The following SH3GL3 variants were observed in gnomAD, a reference collection of about 807,000 sequenced individuals.
SH3GL3 encodes endophilin-A3.
Under a neutral mutation model 47.7 loss-of-function variants are expected in SH3GL3, and 33 were observed. The observed-to-expected ratio is 0.69, with a 90% confidence interval of 0.52 to 0.92. SH3GL3 has a LOEUF of 0.92. SH3GL3 is among the 40% of genes least tolerant of loss of function. SH3GL3 has a pLI of 0.00. For synonymous variants in SH3GL3, 155 were observed against 148.8 expected (o/e 1.04, Z -0.30); for missense variants, 363 against 417.8 (o/e 0.87, Z 1.14).
At chr15:83,588,580 G>A (rs530369432) in intron 7 of SH3GL3, 82 bp from the exon 8 acceptor site, 4 of 867,292 alleles carry the variant, frequency 4.6e-6, no homozygotes, top group Admixed American at 3.8e-5. Context: ...CTAAGTTCCT[G>A]TGCTCAACAA....
chr15:83,490,677 G>A, intron 1 of SH3GL3: 1 of 1,216,650 alleles, frequency 8.2e-7, no homozygotes, highest in Non-Finnish European at 1.1e-6. Flanking sequence ...GATAGCACCT[G>A]CACATCAGGG....
intron 5 of SH3GL3, 72 bp downstream of exon 5, chr15:83,572,770 T>G (rs890801735): frequency 8.8e-7 from 1 of 1,138,334 alleles, no homozygotes; most frequent in South Asian, 1.5e-5. Context: ...CACTAGAACG[T>G]TTCAGCAGAC....
downstream of SH3GL3, among the ~76,000 whole-genome samples, chr15:83,620,572 C>T (rs1394351916): frequency 6.6e-6 from 1 of 152,182 alleles, no homozygotes; most frequent in Admixed American, 6.5e-5. Context: ...ATCTTTTTCT[C>T]TGAACGGTAG....
chr15:83,533,415 A>C (rs369409766), intron 1 of SH3GL3, among the ~76,000 whole-genome samples: 1 of 152,196 alleles, frequency 6.6e-6, no homozygotes, highest in Non-Finnish European at 1.5e-5. Flanking sequence ...GAGCTTCTGA[A>C]GACAAATCGG....
chr15:83,614,352 G>T (rs2151849628), intron 8 of SH3GL3, among the ~76,000 whole-genome samples: 1 of 152,318 alleles, frequency 6.6e-6, no homozygotes, highest in Admixed American at 6.5e-5. Flanking sequence ...GGAAGGAGCT[G>T]TCTAGAGGCT....
At chr15:83,632,529 A>G in the SH3GL3 span, among the ~76,000 whole-genome samples, 1 of 152,264 alleles carries the variant, frequency 6.6e-6, no homozygotes, top group Non-Finnish European at 1.5e-5. Context: ...AAAGAGGTTT[A>G]GTTGACTCAC....
rs1200634866 is a variant in SH3GL3 at position 83,464,549 on chromosome 15, G to A, written c.45+16971G>A. ...ATTTAAAAAATCTCAAATTTAAGAT[G>A]TTCAAATGTGAACTCTTAATTATCT... On this transcript the variant is annotated intron_variant, in intron 1 of 8. Transcript: ENST00000427482. 2.6e-5 allele frequency among the ~76,000 whole-genome samples: 4 copies of A among 152,218 alleles called. No homozygotes were observed. The East Asian group carries it at 7.7e-4, about 29-fold the overall frequency.
chr15:83,529,821 A>G (rs1446333603), intron 1 of SH3GL3, among the ~76,000 whole-genome samples: 1 of 152,126 alleles, frequency 6.6e-6, no homozygotes, highest in African/African-American at 2.4e-5. Flanking sequence ...CAGTAACAGC[A>G]ATGATGACAG....
chr15:83,547,057 A>G (rs2044435837), intron 1 of SH3GL3, among the ~76,000 whole-genome samples: 1 of 152,156 alleles, frequency 6.6e-6, no homozygotes, highest in Admixed American at 6.5e-5. Context: ...TTCTCTATTA[A>G]TAAAGTTTCC....
chr15:83,450,804 A>ATTTT (rs34099509), intron 1 of SH3GL3, among the ~76,000 whole-genome samples: 35 of 58,732 alleles, frequency 6.0e-4, no homozygotes, highest in African/African-American at 9.6e-4. Context: ...TTTTTTTTTA[A>ATTTT]TTTTTTTTTT....
intron 1 of SH3GL3, among the ~76,000 whole-genome samples, chr15:83,462,748 G>A (rs1444877152): frequency 6.6e-6 from 1 of 152,122 alleles, no homozygotes; most frequent in African/African-American, 2.4e-5. Flanking sequence ...TAAAATGATA[G>A]CCAACATCAA....
At chr15:83,503,124 C>T (rs1193942752) in intron 1 of SH3GL3, among the ~76,000 whole-genome samples, 1 of 151,890 alleles carries the variant, frequency 6.6e-6, no homozygotes, top group East Asian at 1.9e-4. Flanking sequence ...GTATTTCATA[C>T]ATCACTTATG....
At chr15:83,582,857 A>T (rs1375220216) in intron 6 of SH3GL3, among the ~76,000 whole-genome samples, 2 of 152,238 alleles carry the variant, frequency 1.3e-5, no homozygotes, top group Non-Finnish European at 2.9e-5. Flanking sequence ...AAAGTGGAGA[A>T]TAAAAGTGTA....
rs1240551746 is a variant in SH3GL3 at position 83,543,594 on chromosome 15, TG to T, written c.46-15658del. ...GGATTTGTATTAGTTCCTCTTTAAA[TG>T]TTTGGTAGAATTCAGCAGTGAAGCC... On this transcript the variant is annotated intron_variant, in intron 1 of 8. Transcript: ENST00000427482. 2.6e-5 allele frequency among the ~76,000 whole-genome samples: 4 copies of T among 152,070 alleles called. No homozygotes were observed. In the East Asian group the frequency reaches 7.7e-4, roughly 29 times the overall value.
intron 1 of SH3GL3, among the ~76,000 whole-genome samples, chr15:83,449,412 C>A (rs1003660701): frequency 1.3e-5 from 2 of 152,160 alleles, no homozygotes; most frequent in African/African-American, 4.8e-5. Flanking sequence ...CCAGAGTAAT[C>A]GCTGGCTGTA....
chr15:83,539,229 C>A (rs1413937711), intron 1 of SH3GL3, among the ~76,000 whole-genome samples: 1 of 152,188 alleles, frequency 6.6e-6, no homozygotes, highest in Non-Finnish European at 1.5e-5. Context: ...AAATATTTCT[C>A]ATGCTTCTGG....
chr15:83,623,679 A>G (rs2060920979), downstream of SH3GL3, among the ~76,000 whole-genome samples: 1 of 152,234 alleles, frequency 6.6e-6, no homozygotes, highest in South Asian at 2.1e-4. Context: ...AATGTATTGC[A>G]GTTCTAATAT....
downstream of SH3GL3, among the ~76,000 whole-genome samples, chr15:83,620,685 G>T (rs1243880542): frequency 6.6e-6 from 1 of 152,190 alleles, no homozygotes; most frequent in East Asian, 1.9e-4. Flanking sequence ...AGCAGATTTA[G>T]CATCATTCTT....
At chr15:83,460,393 A>G (rs1423116676) in intron 1 of SH3GL3, among the ~76,000 whole-genome samples, 3 of 151,950 alleles carry the variant, frequency 2.0e-5, no homozygotes, top group Non-Finnish European at 4.4e-5. Context: ...ATTCTTCTAT[A>G]ATGTGGTATA....
Sources: allele counts gnomAD v4.1 joint callset (sites outside exome capture counted in the v4.1 genomes callset), GRCh38; gene constraint gnomAD v4.1.1; transcripts MANE v1.5; gene names NCBI Gene and HGNC (gene_info 2026-07-23, HGNC 2026-07-21).